The following FAM107B variants were observed in gnomAD, a reference collection of about 807,000 sequenced individuals.
FAM107B encodes protein FAM107B.
In FAM107B, 21 loss-of-function variants were observed where a neutral mutation model predicts 31.5. The observed-to-expected ratio is 0.67, with a 90% CI of 0.47 to 0.96. The LOEUF (loss-of-function observed/expected upper bound fraction) is 0.96, where lower values mean the gene tolerates loss of function less well. Ranked by LOEUF, FAM107B falls within the 40% of genes least tolerant of loss-of-function variation. FAM107B has a pLI of 0.00. For missense variants in FAM107B, 452 were observed against 377.1 expected, an observed-to-expected ratio of 1.20 and a Z score of -1.64; for synonymous variants, 157 against 141.5, an observed-to-expected ratio of 1.11 and a Z score of -0.78.
chr10:14,590,221 C>A (rs1851971134), intron 2 of FAM107B, among the ~76,000 whole-genome samples: 2 of 152,198 alleles, frequency 1.3e-5, no homozygotes, highest in Non-Finnish European at 2.9e-5. Flanking sequence ...ACAACAGAAG[C>A]AACATTTATG....
At chr10:14,728,559 G>T (rs527334552) in intron 1 of FAM107B, among the ~76,000 whole-genome samples, 4 of 152,174 alleles carry the variant, frequency 2.6e-5, no homozygotes, top group Admixed American at 6.5e-5. Flanking sequence ...CTTGTCAACA[G>T]CTTCCCCACC....
At chr10:14,714,638 T>C (rs1855740867) in intron 1 of FAM107B, among the ~76,000 whole-genome samples, 2 of 152,028 alleles carry the variant, frequency 1.3e-5, no homozygotes, top group Non-Finnish European at 2.9e-5. Flanking sequence ...CGCTCCCTTA[T>C]ACATCCAGAC....
chr10:14,672,211 C>G (rs1205616333), intron 1 of FAM107B, among the ~76,000 whole-genome samples: 7 of 151,976 alleles, frequency 4.6e-5, no homozygotes, highest in Non-Finnish European at 5.9e-5. Flanking sequence ...GCCTCAGCCT[C>G]CCGAGCAGCT....
intron 2 of FAM107B, among the ~76,000 whole-genome samples, chr10:14,620,164 G>A (rs1012184701): frequency 8.6e-5 from 13 of 151,802 alleles, no homozygotes; most frequent in East Asian, 7.7e-4. Context: ...GACTACAGGC[G>A]CGTGCCACCA....
chr10:14,742,919 C>A (rs377511323), intron 1 of FAM107B, among the ~76,000 whole-genome samples: 1 of 152,170 alleles, frequency 6.6e-6, no homozygotes, highest in Non-Finnish European at 1.5e-5. Context: ...TCACCAATGA[C>A]GTCTTTCCAC....
At chr10:14,551,703 T>C (rs1183539339) in intron 2 of FAM107B, among the ~76,000 whole-genome samples, 1 of 151,444 alleles carries the variant, frequency 6.6e-6, no homozygotes, top group Non-Finnish European at 1.5e-5. Context: ...AAAAAAAATA[T>C]CTGTATTACC....
At chr10:14,709,424 T>C (rs1160243703) in intron 1 of FAM107B, among the ~76,000 whole-genome samples, 1 of 152,182 alleles carries the variant, frequency 6.6e-6, no homozygotes, top group Non-Finnish European at 1.5e-5. Flanking sequence ...AGTCATATCT[T>C]ACATGGATGG....
At chr10:14,686,941 G>T (rs964027565) in intron 1 of FAM107B, among the ~76,000 whole-genome samples, 9 of 152,284 alleles carry the variant, frequency 5.9e-5, no homozygotes, top group Admixed American at 3.3e-4. Context: ...TATTATTTTT[G>T]AATATAATTG....
intron 2 of FAM107B, among the ~76,000 whole-genome samples, chr10:14,609,618 A>G (rs572500557): frequency 8.5e-5 from 13 of 152,276 alleles, no homozygotes; most frequent in Middle Eastern, 6.8e-3. Context: ...TGCTCATGTG[A>G]TTAGGTCAGG....
chr10:14,545,848 T>G (rs1347164706), intron 2 of FAM107B, among the ~76,000 whole-genome samples: 1 of 152,226 alleles, frequency 6.6e-6, no homozygotes, highest in East Asian at 1.9e-4. Context: ...TATGTTATTT[T>G]CTGAGGAGAA....
intron 1 of FAM107B, among the ~76,000 whole-genome samples, chr10:14,685,583 C>G (rs536150332): frequency 6.6e-6 from 1 of 152,126 alleles, no homozygotes; most frequent in Non-Finnish European, 1.5e-5. Flanking sequence ...GGGAGTGCAG[C>G]CTGGTAGCTG....
chr10:14,737,233 G>A (rs1196764608), intron 1 of FAM107B, among the ~76,000 whole-genome samples: 2 of 152,188 alleles, frequency 1.3e-5, no homozygotes, highest in Non-Finnish European at 1.5e-5. Flanking sequence ...TTACAGAGGG[G>A]GAGTTGGGAT....
intron 1 of FAM107B, among the ~76,000 whole-genome samples, chr10:14,734,636 C>G (rs564759172): frequency 2.0e-4 from 30 of 152,218 alleles, no homozygotes; most frequent in African/African-American, 7.2e-4. Flanking sequence ...TAAGAATGAG[C>G]AGGACCTGTG....
At chr10:14,552,471 G>GAA (rs11404049) in intron 2 of FAM107B, among the ~76,000 whole-genome samples, 169 of 149,398 alleles carry the variant, frequency 1.1e-3, no homozygotes, top group African/African-American at 3.5e-3. Context: ...ACCCAACAAT[G>GAA]AAAAAAAAAA....
At chr10:14,596,578 C>T (rs1358596105) in intron 2 of FAM107B, among the ~76,000 whole-genome samples, 2 of 152,160 alleles carry the variant, frequency 1.3e-5, no homozygotes, top group Admixed American at 1.3e-4. Flanking sequence ...AGTATTATTA[C>T]TGCATTTCAC....
At position 14,632,460 on chromosome 10, in the gene FAM107B, T is replaced by C. The variant is rs183814409; in HGVS notation, c.469+35174A>G. ...CCCCGTCTCTACTAAAAATACAAAA[T>C]ATTAGCTGGGCGTGGTGGCGGGCGC... On this transcript the variant is annotated intron_variant, in intron 2 of 4. Transcript: ENST00000181796. Among the ~76,000 whole-genome samples, 1,121 of 150,338 alleles carry C rather than the reference T, an allele frequency of 7.5e-3. 8 individuals carry two copies. Among genetic ancestry groups the C allele is most frequent in the African/African-American group, 0.027 (1,087 of 40,958 alleles).
chr10:14,579,272 G>A (rs916233120), intron 2 of FAM107B, among the ~76,000 whole-genome samples: 8 of 152,224 alleles, frequency 5.3e-5, no homozygotes, highest in Admixed American at 5.2e-4. Flanking sequence ...ATACCAATTA[G>A]TAGAATTCCT....
Position 14,564,896 on chromosome 10 carries a change from G to A in FAM107B, c.470-34381C>T, listed in dbSNP as rs192476710. Among the ~76,000 whole-genome samples the A allele has an allele frequency of 1.8e-3, 279 of 152,080 alleles. 2 individuals are homozygous for A. The highest frequency in any genetic ancestry group is 0.016 in the South Asian group (78 of 4,810). ...CATATATAGTATTTTCTACACTTTC[G>A]TTCTAAAACAACAAAATGGTCACAC... On this transcript the variant is annotated intron_variant, in intron 2 of 4. Coordinates refer to ENST00000181796, the MANE Select transcript of FAM107B (RefSeq NM_031453.4).
intron 3 of FAM107B, among the ~76,000 whole-genome samples, chr10:14,522,771 T>C (rs767293192): frequency 1.7e-4 from 26 of 152,022 alleles, no homozygotes; most frequent in South Asian, 4.2e-4. Context: ...GACAGTAAAA[T>C]GGCCCTGGAA....
Sources: gnomAD v4.1 joint callset for allele counts (sites outside exome capture counted in the v4.1 genomes callset) on GRCh38, gnomAD v4.1.1 for gene constraint, MANE v1.5 for transcripts, NCBI Gene and HGNC (gene_info 2026-07-23, HGNC 2026-07-21) for gene names.